The following TRMT10B variants were observed in gnomAD, a reference collection of about 807,000 sequenced individuals.
TRMT10B encodes the protein tRNA methyltransferase 10 homolog B.
A neutral mutation model predicts 43.8 loss-of-function variants in TRMT10B; 33 were observed. That is an observed-to-expected ratio of 0.75 (90% confidence interval 0.57 to 1.01). The LOEUF (loss-of-function observed/expected upper bound fraction) is 1.01. TRMT10B is among the 50% of genes least tolerant of loss of function. The pLI is 0.00. For missense variants in TRMT10B, 362 were observed against 369.8 expected, an observed-to-expected ratio of 0.98 and a Z score of 0.17; for synonymous variants, 137 against 130.6, an observed-to-expected ratio of 1.05 and a Z score of -0.34.
At chr9:37,775,180 CAA>C (rs1828008314) in intron 7 of TRMT10B, among the ~76,000 whole-genome samples, 1 of 152,110 alleles carries the variant, frequency 6.6e-6, no homozygotes, top group African/African-American at 2.4e-5. Context: ...CTCCCTGTCA[CAA>C]GAGCTGTCCA....
Position 37,777,953 on chromosome 9 carries a change from C to T in TRMT10B, c.*246C>T, listed in dbSNP as rs147770975. The T allele has an allele frequency of 7.9e-5, 27 of 342,948 alleles. No individual in the cohort carries two copies. The highest frequency in any genetic ancestry group is 1.3e-4 in the Non-Finnish European group (23 of 179,512). The allele number at this position is 342,948 out of a possible 1,614,324, so 21.2% of individuals were successfully genotyped here. ...TCGGGAGGCGAAGGTTGCAGTGAGC[C>T]GAGATTTCACCAGTGCACTCCAGCC... On this transcript the variant is annotated 3_prime_UTR_variant, in exon 9 of 9. Coordinates refer to ENST00000297994, the MANE Select transcript of TRMT10B (RefSeq NM_144964.4).
intron 1 of TRMT10B, among the ~76,000 whole-genome samples, chr9:37,760,089 G>A (rs1338320975): frequency 6.6e-6 from 1 of 152,176 alleles, no homozygotes; most frequent in Non-Finnish European, 1.5e-5. Flanking sequence ...ACTTTGGGAC[G>A]CCGAGGTGGG....
upstream of TRMT10B, chr9:37,753,756 A>AT (rs1172741795): frequency 1.3e-5 from 2 of 152,226 alleles, no homozygotes; most frequent in Non-Finnish European, 2.9e-5. Context: ...CAATTTCCAG[A>AT]ATGCCATTCG....
chr9:37,759,001 T>C (rs1826005262), intron 1 of TRMT10B, among the ~76,000 whole-genome samples: 1 of 152,102 alleles, frequency 6.6e-6, no homozygotes, highest in Admixed American at 6.5e-5. Context: ...TGTGTACGGG[T>C]CCCCAGATGG....
At chr9:37,767,546 T>C (rs538965942) in intron 4 of TRMT10B, 2 of 102,548 alleles carry the variant, frequency 2.0e-5, no homozygotes, top group African/African-American at 8.2e-5. Flanking sequence ...TCCATATTGT[T>C]AAATTAAGAT....
At chr9:37,773,109 G>C (rs1827760302) in intron 7 of TRMT10B, among the ~76,000 whole-genome samples, 1 of 152,120 alleles carries the variant, frequency 6.6e-6, no homozygotes, top group African/African-American at 2.4e-5. Context: ...GAAATGGTTT[G>C]GCAAATTATT....
At chr9:37,756,753 C>CACAT (rs1825736469) in intron 1 of TRMT10B, among the ~76,000 whole-genome samples, 4 of 150,848 alleles carry the variant, frequency 2.7e-5, no homozygotes, top group South Asian at 2.1e-4. Flanking sequence ...CACACACACA[C>CACAT]ATATATATAT....
At chr9:37,766,111 T>C in intron 4 of TRMT10B, among the ~76,000 whole-genome samples, 1 of 152,222 alleles carries the variant, frequency 6.6e-6, no homozygotes, top group Non-Finnish European at 1.5e-5. Context: ...TTTTGGCTTT[T>C]GTTGCCGTTG....
At chr9:37,771,124 A>C (rs1827526767) in intron 7 of TRMT10B, among the ~76,000 whole-genome samples, 1 of 152,058 alleles carries the variant, frequency 6.6e-6, no homozygotes, top group Non-Finnish European at 1.5e-5. Context: ...TTAGCCCAAA[A>C]CCTCAAACTC....
chr9:37,758,603 T>C (rs1055258665), intron 1 of TRMT10B, among the ~76,000 whole-genome samples: 14 of 152,218 alleles, frequency 9.2e-5, no homozygotes, highest in Admixed American at 4.6e-4. Context: ...AGCCTAAAGA[T>C]TGGGGAGTCA....
At chr9:37,773,515 C>G (rs1827805626) in intron 7 of TRMT10B, among the ~76,000 whole-genome samples, 1 of 152,138 alleles carries the variant, frequency 6.6e-6, no homozygotes, top group South Asian at 2.1e-4. Context: ...TTATTTTGAA[C>G]TTTTCTTAGG....
At chr9:37,773,499 A>T (rs1827803594) in intron 7 of TRMT10B, among the ~76,000 whole-genome samples, 1 of 152,224 alleles carries the variant, frequency 6.6e-6, no homozygotes, top group Admixed American at 6.5e-5. Flanking sequence ...ATGAATATTG[A>T]TTGTATTATT....
At chr9:37,776,525 T>C (rs1828172631) in intron 8 of TRMT10B, 120 bp downstream of exon 8, 4 of 1,248,524 alleles carry the variant, frequency 3.2e-6, no homozygotes, top group African/African-American at 1.6e-5. Flanking sequence ...CTTTATTGCA[T>C]GTACGTCATG....
intron 5 of TRMT10B, chr9:37,769,719 C>T (rs2118866132): frequency 3.7e-6 from 2 of 535,618 alleles, no homozygotes; most frequent in South Asian, 4.3e-5. Flanking sequence ...CACCTCACTC[C>T]TAAGTATTAT....
chr9:37,756,151 G>GT (rs1825652335), intron 1 of TRMT10B, among the ~76,000 whole-genome samples: 1 of 152,114 alleles, frequency 6.6e-6, no homozygotes, highest in South Asian at 2.1e-4. Flanking sequence ...GTCAACACAG[G>GT]TAAAAATACA....
upstream of TRMT10B, among the ~76,000 whole-genome samples, chr9:37,753,016 T>C (rs1362346886): frequency 6.6e-6 from 1 of 152,104 alleles, no homozygotes; most frequent in Non-Finnish European, 1.5e-5. Context: ...ACACTCGCCG[T>C]GAAGATCTGT....
At chr9:37,774,298 G>A (rs1449529423) in intron 7 of TRMT10B, among the ~76,000 whole-genome samples, 1 of 152,172 alleles carries the variant, frequency 6.6e-6, no homozygotes, top group African/African-American at 2.4e-5. Flanking sequence ...CACGGTGCCT[G>A]GCCAACAGTC....
chr9:37,756,802 G>A (rs917264915), intron 1 of TRMT10B, among the ~76,000 whole-genome samples: 5 of 150,336 alleles, frequency 3.3e-5, no homozygotes, highest in African/African-American at 5.0e-5. Context: ...ATGTGTATGT[G>A]TATATATGTG....
chr9:37,759,835 C>T (rs944487769), intron 1 of TRMT10B, among the ~76,000 whole-genome samples: 8 of 152,152 alleles, frequency 5.3e-5, no homozygotes, highest in African/African-American at 1.2e-4. Context: ...AAACTTTCTG[C>T]GGTGATGGAA....
Sources: allele counts gnomAD v4.1 joint callset (sites outside exome capture counted in the v4.1 genomes callset), GRCh38; gene constraint gnomAD v4.1.1; transcripts MANE v1.5; gene names NCBI Gene and HGNC (gene_info 2026-07-23, HGNC 2026-07-21).